The following XKR6 variants were observed in gnomAD, a reference collection of about 807,000 sequenced individuals.
The protein encoded by XKR6 is XK related 6.
Under a neutral mutation model 56.7 loss-of-function variants are expected in XKR6, and 22 were observed. That is an observed-to-expected ratio of 0.39 (90% CI 0.28 to 0.55). The LOEUF is 0.55. XKR6 is among the 20% of genes least tolerant of loss of function. XKR6 has a pLI of 0.66. For synonymous variants in XKR6, 524 were observed against 387.8 expected, an observed-to-expected ratio of 1.35 and a Z score of -4.13; for missense variants, 852 against 889.0, an observed-to-expected ratio of 0.96 and a Z score of 0.53.
intron 1 of XKR6, among the ~76,000 whole-genome samples, chr8:11,147,175 T>C (rs1801026099): frequency 6.6e-6 from 1 of 152,122 alleles, no homozygotes; most frequent in Non-Finnish European, 1.5e-5. Context: ...CTCTTGATGG[T>C]GTTAATGGTT....
chr8:11,164,194 A>G (rs1801959410), intron 1 of XKR6, among the ~76,000 whole-genome samples: 1 of 152,214 alleles, frequency 6.6e-6, no homozygotes, highest in Non-Finnish European at 1.5e-5. Context: ...CAATTCAGGT[A>G]GAGCAGTGAG....
At chr8:10,980,240 CAGG>C (rs1181647566) in intron 1 of XKR6, among the ~76,000 whole-genome samples, 1 of 152,132 alleles carries the variant, frequency 6.6e-6, no homozygotes, top group East Asian at 1.9e-4. Flanking sequence ...CTGGAGTGCC[CAGG>C]AGGTCTGGGG....
chr8:11,032,541 G>C (rs974189232), intron 1 of XKR6, among the ~76,000 whole-genome samples: 4 of 152,152 alleles, frequency 2.6e-5, no homozygotes, highest in Admixed American at 6.5e-5. Context: ...AAAAAATGTT[G>C]GCCTGGAGCA....
At chr8:10,926,137 T>C (rs1190024298) in intron 1 of XKR6, among the ~76,000 whole-genome samples, 1 of 152,190 alleles carries the variant, frequency 6.6e-6, no homozygotes, top group Non-Finnish European at 1.5e-5. Context: ...TGACACCCTA[T>C]CCAGGCCCAG....
chr8:11,195,327 A>T, intron 1 of XKR6: 1 of 583,894 alleles, frequency 1.7e-6, no homozygotes, highest in East Asian at 2.9e-5. Flanking sequence ...GTAGAGATTC[A>T]TTTTTTTTTC....
intron 1 of XKR6, among the ~76,000 whole-genome samples, chr8:11,150,215 T>C (rs1413935976): frequency 3.9e-5 from 6 of 152,098 alleles, no homozygotes; most frequent in African/African-American, 1.4e-4. Context: ...TATTTCAAAG[T>C]AGCTACAAGA....
At chr8:10,981,907 C>T (rs1344179413) in intron 1 of XKR6, among the ~76,000 whole-genome samples, 1 of 152,214 alleles carries the variant, frequency 6.6e-6, no homozygotes, top group African/African-American at 2.4e-5. Context: ...ATTCCAAAGG[C>T]TAATTGTTTA....
chr8:11,188,167 C>T (rs1055032409), intron 1 of XKR6, among the ~76,000 whole-genome samples: 6 of 151,904 alleles, frequency 3.9e-5, no homozygotes, highest in Non-Finnish European at 8.8e-5. Flanking sequence ...AAGCAATAAG[C>T]AAAAAAATAC....
chr8:11,132,767 GCACACA>G (rs149748655), intron 1 of XKR6, among the ~76,000 whole-genome samples: 1 of 138,192 alleles, frequency 7.2e-6, no homozygotes, highest in Admixed American at 7.1e-5. Flanking sequence ...ACACACGCAC[GCACACA>G]CACACACACA....
intron 1 of XKR6, among the ~76,000 whole-genome samples, chr8:11,077,245 C>T (rs943851151): frequency 2.6e-5 from 4 of 152,188 alleles, no homozygotes; most frequent in African/African-American, 7.2e-5. Context: ...CGTGCAGTGG[C>T]TTTGGGGTCC....
chr8:11,171,654 T>C (rs563877397), intron 1 of XKR6, among the ~76,000 whole-genome samples: 2 of 152,308 alleles, frequency 1.3e-5, no homozygotes, highest in East Asian at 3.9e-4. Flanking sequence ...CCTTCTGCCA[T>C]GAGTGGAAGC....
At chr8:11,107,822 A>G (rs750858345) in intron 1 of XKR6, 2 of 155,850 alleles carry the variant, frequency 1.3e-5, no homozygotes, top group Non-Finnish European at 2.8e-5. Context: ...TCTTACATAA[A>G]AGATCTGTTT....
At chr8:11,009,004 A>C (rs924077574) in intron 1 of XKR6, among the ~76,000 whole-genome samples, 1 of 151,132 alleles carries the variant, frequency 6.6e-6, no homozygotes, top group African/African-American at 2.4e-5. Flanking sequence ...ATTGTTGTCT[A>C]AAGTGGCATA....
intron 1 of XKR6, among the ~76,000 whole-genome samples, chr8:11,092,989 G>A (rs537339091): frequency 6.6e-6 from 1 of 152,152 alleles, no homozygotes; most frequent in Non-Finnish European, 1.5e-5. Flanking sequence ...CGCCAACCCT[G>A]CTCCCCAGCT....
chr8:11,088,540 G>A (rs2129172013), intron 1 of XKR6, among the ~76,000 whole-genome samples: 1 of 152,270 alleles, frequency 6.6e-6, no homozygotes, highest in Non-Finnish European at 1.5e-5. Context: ...TAAATGAAAG[G>A]GCTGAATGGC....
At chr8:11,144,511 G>A (rs932855859) in intron 1 of XKR6, among the ~76,000 whole-genome samples, 2 of 151,908 alleles carry the variant, frequency 1.3e-5, no homozygotes, top group Non-Finnish European at 2.9e-5. Flanking sequence ...TGGAGACCAG[G>A]GCGCAGGCAC....
chr8:10,947,692 A>G (rs1355774773), intron 1 of XKR6, among the ~76,000 whole-genome samples: 3 of 152,186 alleles, frequency 2.0e-5, no homozygotes, highest in Admixed American at 6.5e-5. Context: ...TTTTGCCTGC[A>G]TCTTCTCCCA....
chr8:10,999,803 A>G (rs1359006740), intron 1 of XKR6, among the ~76,000 whole-genome samples: 1 of 152,238 alleles, frequency 6.6e-6, no homozygotes, highest in Non-Finnish European at 1.5e-5. Flanking sequence ...TCGGGACAGC[A>G]TGAGATGCTC....
At chr8:11,144,353 G>A (rs1382578586) in intron 1 of XKR6, among the ~76,000 whole-genome samples, 1 of 150,598 alleles carries the variant, frequency 6.6e-6, no homozygotes, top group Non-Finnish European at 1.5e-5. Flanking sequence ...AGACAGAAGT[G>A]AGAAGTGATG....
Sources: allele counts gnomAD v4.1 joint callset (sites outside exome capture counted in the v4.1 genomes callset), GRCh38; gene constraint gnomAD v4.1.1; transcripts MANE v1.5; gene names NCBI Gene and HGNC (gene_info 2026-07-23, HGNC 2026-07-21).